Variants in MGA observed in about 807,000 individuals in gnomAD.
MGA encodes MAX dimerization protein MGA, also known as MAX gene-associated protein.
A neutral mutation model predicts 261.1 loss-of-function variants in MGA; 40 were observed. That is an observed-to-expected ratio of 0.15 (90% CI 0.12 to 0.20). MGA has a LOEUF of 0.20. Among genes scored for constraint, MGA ranks in the 10% least tolerant of loss-of-function variants. The pLI, the probability that MGA is intolerant of heterozygous loss-of-function variation, is 1.00. For missense variants in MGA, 3,397 were observed against 3,630.5 expected (o/e 0.94, Z 1.65); for synonymous variants, 1,302 against 1,290.6 (o/e 1.01, Z -0.19).
chr15:41,704,311 T>G (rs923104533), intron 5 of MGA, among the ~76,000 whole-genome samples: 1 of 152,000 alleles, frequency 6.6e-6, no homozygotes, highest in African/African-American at 2.4e-5. Context: ...GAATTACAAG[T>G]GTGAGCCATG....
chr15:41,648,006 C>A (rs955772234), intron 1 of MGA, among the ~76,000 whole-genome samples: 22 of 152,138 alleles, frequency 1.4e-4, no homozygotes, highest in African/African-American at 5.1e-4. Context: ...TTCAGTTTGT[C>A]CAGAATCGAC....
intron 5 of MGA, among the ~76,000 whole-genome samples, chr15:41,704,919 AAC>A (rs1239514147): frequency 1.3e-5 from 2 of 152,168 alleles, no homozygotes; most frequent in Non-Finnish European, 2.9e-5. Context: ...ATGACATTAT[AAC>A]ACATTTTTAA....
At chr15:41,722,192 C>T (rs1398372636) in intron 9 of MGA, among the ~76,000 whole-genome samples, 3 of 140,328 alleles carry the variant, frequency 2.1e-5, no homozygotes, top group Non-Finnish European at 4.5e-5. Flanking sequence ...TGCAGTGGTG[C>T]GACCTCGGCT....
At chr15:41,649,156 G>T (rs1429633021) in intron 1 of MGA, among the ~76,000 whole-genome samples, 1 of 152,120 alleles carries the variant, frequency 6.6e-6, no homozygotes, top group Non-Finnish European at 1.5e-5. Context: ...GGCTGAGGCG[G>T]GTGGATCATG....
chr15:41,640,872 T>C (rs931166708), intron 1 of MGA, among the ~76,000 whole-genome samples: 3 of 152,210 alleles, frequency 2.0e-5, no homozygotes, highest in African/African-American at 7.2e-5. Context: ...AATTTACCCA[T>C]TTAAAGTGTA....
intron 20 of MGA, among the ~76,000 whole-genome samples, chr15:41,761,164 T>C (rs2063434099): frequency 6.6e-6 from 1 of 152,256 alleles, no homozygotes; most frequent in Non-Finnish European, 1.5e-5. Context: ...GTTACATTGG[T>C]GTTCTTGATA....
rs965550991 is a variant in MGA, at chr15:41,704,497, A to G, written c.2189-3231A>G. Among the ~76,000 whole-genome samples the G allele has an allele frequency of 5.3e-5, 8 of 152,310 alleles. No homozygotes were observed. The East Asian group carries it at 1.4e-3, about 26-fold the overall frequency. On this transcript the variant is annotated intron_variant, in intron 5 of 23. Transcript: ENST00000219905. ...CACGGTGAAACCCTGTCTCTACTAAAAATACAAAAAATTAGCCAAGAGTGG... is the reference window on the plus strand; with the variant it reads ...CACGGTGAAACCCTGTCTCTACTAAGAATACAAAAAATTAGCCAAGAGTGG...
At chr15:41,744,804 C>T (rs2062345870) in intron 15 of MGA, among the ~76,000 whole-genome samples, 1 of 152,136 alleles carries the variant, frequency 6.6e-6, no homozygotes, top group African/African-American at 2.4e-5. Flanking sequence ...TTGCTGAGTC[C>T]CATCTGTACT....
At chr15:41,673,444 C>T (rs927558431) in intron 2 of MGA, among the ~76,000 whole-genome samples, 5 of 149,390 alleles carry the variant, frequency 3.3e-5, no homozygotes, top group African/African-American at 1.2e-4. Context: ...TCTTGAACTC[C>T]TGGCCTCAAG....
chr15:41,709,643 C>T (rs1595817331), intron 7 of MGA, among the ~76,000 whole-genome samples: 1 of 151,782 alleles, frequency 6.6e-6, no homozygotes, highest in African/African-American at 2.4e-5. Context: ...GTGATGTTGC[C>T]CAGCCTGGTC....
intron 9 of MGA, among the ~76,000 whole-genome samples, chr15:41,722,236 T>G (rs1053481841): frequency 4.0e-5 from 6 of 150,396 alleles, no homozygotes; most frequent in African/African-American, 1.5e-4. Flanking sequence ...TTCACACCAT[T>G]CTCCTGCCTC....
At chr15:41,630,996 G>C (rs891946378) in intron 1 of MGA, among the ~76,000 whole-genome samples, 2 of 152,128 alleles carry the variant, frequency 1.3e-5, no homozygotes, top group Non-Finnish European at 2.9e-5. Context: ...CCATATATGG[G>C]TATTGTATGA....
intron 1 of MGA, among the ~76,000 whole-genome samples, chr15:41,636,700 C>A (rs2056716699): frequency 6.6e-6 from 1 of 152,080 alleles, no homozygotes. Flanking sequence ...CAGGCCTGAG[C>A]CACCATACCC....
intron 5 of MGA, among the ~76,000 whole-genome samples, chr15:41,702,269 G>A (rs771952517): frequency 4.0e-5 from 6 of 150,898 alleles, no homozygotes; most frequent in Admixed American, 6.6e-5. Flanking sequence ...CTTGCAGTGA[G>A]CCGAGATCGC....
intron 1 of MGA, among the ~76,000 whole-genome samples, chr15:41,667,159 G>A (rs1345975153): frequency 1.3e-5 from 2 of 151,832 alleles, no homozygotes; most frequent in Non-Finnish European, 2.9e-5. Context: ...AGCCATTTGC[G>A]TTTATTATCC....
intron 17 of MGA, chr15:41,752,448 T>C (rs982982016): frequency 3.3e-5 from 5 of 152,048 alleles, no homozygotes; most frequent in East Asian, 1.9e-4. Context: ...AGTCTCACAC[T>C]GTAAGTCAGC....
intron 22 of MGA, 118 bp downstream of exon 22, chr15:41,762,480 T>G (rs1596020928): frequency 2.7e-6 from 2 of 742,766 alleles, no homozygotes; most frequent in Non-Finnish European, 4.1e-6. Context: ...TTTTTTTTTT[T>G]TTTTTTTTTT....
rs1322176834 is a variant in MGA, at chr15:41,713,178, A to G, written c.3112A>G (p.Thr1038Ala). The G allele has an allele frequency of 2.5e-6, 4 of 1,613,480 alleles. No individual in the cohort carries two copies. The highest frequency in any genetic ancestry group is 1.3e-5 in the African/African-American group (1 of 75,062). Residue 1038 changes from threonine to alanine, a missense_variant, in exon 9 of 24, where the codon ACA (threonine) becomes GCA (alanine). By Grantham distance (58) the Thr-to-Ala change is moderately conservative. Around this residue, in one of 9 missense-constraint regions of MGA, gnomAD observed 519 missense variants for 554.1 expected, o/e 0.94. Coordinates refer to ENST00000219905, the MANE Select transcript of MGA (RefSeq NM_001164273.2). ...ATCCCTCAAAACTAAACCTATCCAC[A>G]CAATCATAAGGAAACGAGCCCCTCC...
At chr15:41,657,076 A>G (rs1193873906), upstream of MGA, among the ~76,000 whole-genome samples, 2 of 152,018 alleles carry the variant, frequency 1.3e-5, no homozygotes, top group South Asian at 2.1e-4. Flanking sequence ...CACTGCGCCC[A>G]GCCCAGAAAG....
Sources: allele counts gnomAD v4.1 joint callset (sites outside exome capture counted in the v4.1 genomes callset), GRCh38; gene constraint gnomAD v4.1.1; regional missense constraint gnomAD v4.1.1; transcripts MANE v1.5; gene names NCBI Gene and HGNC (gene_info 2026-07-23, HGNC 2026-07-21).